Variants in EGLN1 observed in about 807,000 individuals in gnomAD.
EGLN1 encodes the protein egl-9 family hypoxia inducible factor 1.
A neutral mutation model predicts 38.3 loss-of-function variants in EGLN1; 17 were observed. That is an observed-to-expected ratio of 0.44 (90% confidence interval 0.30 to 0.67). The LOEUF (loss-of-function observed/expected upper bound fraction) is 0.67, where lower values mean the gene tolerates loss of function less well. Among genes scored for constraint, EGLN1 ranks in the 30% least tolerant of loss-of-function variants. EGLN1 has a pLI of 0.08. For missense variants in EGLN1, 477 were observed against 603.3 expected (o/e 0.79, Z 2.19); for synonymous variants, 283 against 257.5 (o/e 1.10, Z -0.95).
At chr1:231,404,376 G>T (rs1189063194) in intron 1 of EGLN1, among the ~76,000 whole-genome samples, 3 of 152,012 alleles carry the variant, frequency 2.0e-5, no homozygotes, top group Non-Finnish European at 2.9e-5. Flanking sequence ...TTATTATTTT[G>T]TTTTTACTGC....
intron 1 of EGLN1, among the ~76,000 whole-genome samples, chr1:231,417,013 A>G (rs183333582): frequency 3.3e-4 from 51 of 152,370 alleles, no homozygotes; most frequent in Non-Finnish European, 6.9e-4. Flanking sequence ...TTTAAATAAC[A>G]TAAGTTTATT....
At chr1:231,377,529 T>C (rs1687990785) in intron 1 of EGLN1, among the ~76,000 whole-genome samples, 1 of 152,048 alleles carries the variant, frequency 6.6e-6, no homozygotes, top group Non-Finnish European at 1.5e-5. Flanking sequence ...GGTAAGTAAA[T>C]GAATGGAGTC....
chr1:231,377,991 T>C (rs1197298825), intron 1 of EGLN1, among the ~76,000 whole-genome samples: 1 of 152,202 alleles, frequency 6.6e-6, no homozygotes, highest in Non-Finnish European at 1.5e-5. Context: ...ATTCCCAGTA[T>C]AGCTCAATTA....
intron 1 of EGLN1, among the ~76,000 whole-genome samples, chr1:231,378,501 G>A (rs1224956261): frequency 6.6e-6 from 1 of 152,136 alleles, no homozygotes. Flanking sequence ...TCACGACGTT[G>A]CCCACGCTGG....
intron 1 of EGLN1, among the ~76,000 whole-genome samples, chr1:231,403,162 G>C (rs1050033192): frequency 1.7e-4 from 26 of 152,256 alleles, no homozygotes; most frequent in African/African-American, 6.3e-4. Context: ...CCTAGCACCT[G>C]TTGTACCTTG....
intron 1 of EGLN1, among the ~76,000 whole-genome samples, chr1:231,406,710 G>A (rs1176041075): frequency 6.6e-6 from 1 of 151,788 alleles, no homozygotes; most frequent in Non-Finnish European, 1.5e-5. Context: ...TTTAACATAG[G>A]GTCTATGGAG....
At chr1:231,416,717 AG>A (rs1241257939) in intron 1 of EGLN1, among the ~76,000 whole-genome samples, 1 of 152,214 alleles carries the variant, frequency 6.6e-6, no homozygotes, top group East Asian at 1.9e-4. Flanking sequence ...TAAAGGAGTT[AG>A]TTTACATGTA....
chr1:231,421,363 C>G lies in EGLN1; in HGVS notation c.526G>C (p.Gly176Arg), dbSNP rs1656588454. The change falls in exon 1 of 5, where the codon GGC becomes CGC. Residue 176 changes from glycine to arginine, a missense_variant. This residue lies in a region of EGLN1 where 298 missense variants were observed against 288.9 expected (regional missense o/e 1.03). Transcript: ENST00000366641. This position sits in a 1 kb window ranked among gnomAD's most constrained non-coding sequence, Gnocchi z 5.5. ...TGCCCGTTGGGCCGCAGGCCGCCGC[C>G]GGGGCTCAGCGCATCCCCGGGCGTG... ...SNTPGDALSP[G>R]GGLRPNGQTK... 6.2e-7 allele frequency: 1 copy of G among 1,609,454 alleles called. No homozygotes were observed.
At chr1:231,396,158 G>A (rs747753230) in intron 1 of EGLN1, among the ~76,000 whole-genome samples, 5 of 150,616 alleles carry the variant, frequency 3.3e-5, no homozygotes, top group Admixed American at 6.6e-5. Context: ...AAACACCCCC[G>A]TCTTCTGGTT....
rs187110988 is a variant in EGLN1 at position 231,379,863 on chromosome 1, G to C, written c.892-5764C>G. 3.9e-4 allele frequency among the ~76,000 whole-genome samples: 60 copies of C among 152,304 alleles called. No homozygotes were observed. In the East Asian group the frequency reaches 7.7e-3, roughly 20 times the overall value. On this transcript the variant is annotated intron_variant, in intron 1 of 4. Transcript: ENST00000366641. ...ACAGAATAATGTTATTCAAGAACCT[G>C]CTGTACTGCACATGGTATTTTTCAG...
chr1:231,418,032 ACTG>A (rs1689128985), intron 1 of EGLN1, among the ~76,000 whole-genome samples: 1 of 152,194 alleles, frequency 6.6e-6, no homozygotes, highest in Non-Finnish European at 1.5e-5. Context: ...CCACCTGCCT[ACTG>A]CTGTGAAAGT....
Position 231,363,853 on chromosome 1 carries a change from TTATAGTC to T in EGLN1, c.*2551_*2557del, listed in dbSNP as rs1440854013. The T allele has an allele frequency of 6.6e-6, 1 of 152,250 alleles. No individual in the cohort carries two copies. Among genetic ancestry groups the T allele is most frequent in the African/African-American group, 2.4e-5 (1 of 41,462 alleles). 9.4% of individuals were successfully genotyped at this position (152,250 alleles called of 1,614,324 possible). ...ACACTGCTTTTCAAATTACATGACT[TTATAGTC>T]TATCTGTATATGAATCCTGAAAATC... On this transcript the variant is annotated 3_prime_UTR_variant, in exon 5 of 5. Transcript: ENST00000366641.
intron 1 of EGLN1, among the ~76,000 whole-genome samples, chr1:231,416,024 T>G (rs1037087406): frequency 1.3e-5 from 2 of 152,142 alleles, no homozygotes; most frequent in African/African-American, 4.8e-5. Flanking sequence ...TATTTTTGTA[T>G]TTTTAGTAAA....
chr1:231,373,788 T>C (rs1171373329), intron 2 of EGLN1, among the ~76,000 whole-genome samples, 192 bp downstream of exon 2: 2 of 152,186 alleles, frequency 1.3e-5, no homozygotes, highest in Non-Finnish European at 2.9e-5. Context: ...ACTACAGGTA[T>C]CATGTTGTAT....
At chr1:231,388,636 T>C (rs1256411015) in intron 1 of EGLN1, among the ~76,000 whole-genome samples, 1 of 137,220 alleles carries the variant, frequency 7.3e-6, no homozygotes, top group Non-Finnish European at 1.6e-5. Context: ...CATGCCTACC[T>C]AATTTTTTGG....
chr1:231,387,801 A>C (rs529049042), intron 1 of EGLN1, among the ~76,000 whole-genome samples: 1 of 152,204 alleles, frequency 6.6e-6, no homozygotes, highest in Non-Finnish European at 1.5e-5. Flanking sequence ...GCATACTGTC[A>C]GTAACTACCA....
chr1:231,405,783 C>T (rs902780567), intron 1 of EGLN1, among the ~76,000 whole-genome samples: 1 of 152,054 alleles, frequency 6.6e-6, no homozygotes, highest in Non-Finnish European at 1.5e-5. Flanking sequence ...AAAGAAAAAG[C>T]TTACAGCTAC....
chr1:231,415,297 T>G (rs1402114898), intron 1 of EGLN1, among the ~76,000 whole-genome samples: 1 of 146,186 alleles, frequency 6.8e-6, no homozygotes, highest in Non-Finnish European at 1.5e-5. Flanking sequence ...AAGCGTAAAA[T>G]ATGCCAAAAT....
intron 1 of EGLN1, among the ~76,000 whole-genome samples, chr1:231,385,911 C>T (rs1688193360): frequency 6.6e-6 from 1 of 152,080 alleles, no homozygotes; most frequent in Admixed American, 6.5e-5. Context: ...AGTGCAGTGG[C>T]GTGATCATGG....
Sources: allele counts gnomAD v4.1 joint callset (sites outside exome capture counted in the v4.1 genomes callset), GRCh38; gene constraint gnomAD v4.1.1; regional missense constraint gnomAD v4.1.1; non-coding constraint Gnocchi (gnomAD v3.1); transcripts MANE v1.5; gene names NCBI Gene and HGNC (gene_info 2026-07-23, HGNC 2026-07-21).